The following LDB2 variants were observed in gnomAD, a reference collection of about 807,000 sequenced individuals.
LDB2 encodes LIM domain-binding protein 2.
A neutral mutation model predicts 44.3 loss-of-function variants in LDB2; 12 were observed. That is an observed-to-expected ratio of 0.27 (90% confidence interval 0.17 to 0.44). The LOEUF (loss-of-function observed/expected upper bound fraction) is 0.44. LDB2 is among the 20% of genes least tolerant of loss of function. The probability of loss-of-function intolerance (pLI) is 1.00; values close to 1 mark genes in which losing one functional copy is unlikely to be tolerated. For missense variants in LDB2, 344 were observed against 473.5 expected (o/e 0.73, Z 2.54); for synonymous variants, 164 against 174.8 (o/e 0.94, Z 0.49).
chr4:16,588,866 G>A (rs753424931), intron 3 of LDB2, 34 bp from the exon 4 acceptor site: 31 of 1,605,784 alleles, frequency 1.9e-5, no homozygotes, highest in Admixed American at 3.4e-5. Flanking sequence ...CATTCATTAC[G>A]CACTTTGTGA....
intron 1 of LDB2, among the ~76,000 whole-genome samples, chr4:16,884,794 C>T (rs982343642): frequency 1.3e-5 from 2 of 152,168 alleles, no homozygotes; most frequent in African/African-American, 4.8e-5. Context: ...AGGCATTATG[C>T]TAAGCACTTT....
chr4:16,744,915 T>C (rs959303453), intron 2 of LDB2, among the ~76,000 whole-genome samples: 6 of 152,232 alleles, frequency 3.9e-5, no homozygotes, highest in Non-Finnish European at 8.8e-5. Flanking sequence ...CAGATTATAA[T>C]AGCTATTACT....
chr4:16,553,361 T>C (rs1019387804), intron 5 of LDB2, among the ~76,000 whole-genome samples: 1 of 152,002 alleles, frequency 6.6e-6, no homozygotes, highest in Admixed American at 6.6e-5. Flanking sequence ...AGGATCTTGC[T>C]ATGTTGCCCA....
chr4:16,791,383 C>T lies in LDB2; in HGVS notation c.133-32123G>A, dbSNP rs376180017. Among the ~76,000 whole-genome samples, 85 of 151,650 alleles carry T rather than the reference C, an allele frequency of 5.6e-4. No homozygotes were observed. In the South Asian group the frequency reaches 9.2e-3, roughly 16 times the overall value. Reference sequence around the variant, plus strand: ...CAGCCTGGCCAACATGGTGAAACCCCGACTCTACTAAAAATACAAATATTA... The same window carrying T: ...CAGCCTGGCCAACATGGTGAAACCCTGACTCTACTAAAAATACAAATATTA... On this transcript the variant is annotated intron_variant, in intron 1 of 7. Transcript: ENST00000304523.
chr4:16,672,793 G>A (rs927477583), intron 2 of LDB2, among the ~76,000 whole-genome samples: 1 of 151,858 alleles, frequency 6.6e-6, no homozygotes, highest in African/African-American at 2.4e-5. Context: ...TTCTTCAAGG[G>A]AAGAGAAGAA....
At chr4:16,528,971 A>T (rs987077762) in intron 5 of LDB2, among the ~76,000 whole-genome samples, 2 of 152,182 alleles carry the variant, frequency 1.3e-5, no homozygotes, top group African/African-American at 4.8e-5. Flanking sequence ...CTTCAACCGT[A>T]CCTGGATTTT....
intron 5 of LDB2, among the ~76,000 whole-genome samples, chr4:16,547,461 C>T (rs2152340012): frequency 6.6e-6 from 1 of 152,242 alleles, no homozygotes; most frequent in South Asian, 2.1e-4. Context: ...ACCTTTAAGC[C>T]CAAAGACTCC....
chr4:16,508,794 TATTTAAAC>T (rs1560307425), intron 6 of LDB2, 108 bp from the exon 7 acceptor site: 1 of 1,051,526 alleles, frequency 9.5e-7, no homozygotes, highest in Non-Finnish European at 1.3e-6. Flanking sequence ...AAGAGTAGAC[TATTTAAAC>T]ATTTTCCATT....
intron 2 of LDB2, among the ~76,000 whole-genome samples, chr4:16,755,475 GTGT>G (rs1561113132): frequency 9.0e-4 from 14 of 15,484 alleles, no homozygotes; most frequent in African/African-American, 1.4e-3. Context: ...GGAATAGGGT[GTGT>G]GTGTGTGTGT....
chr4:16,649,508 A>C (rs534112561), intron 2 of LDB2, among the ~76,000 whole-genome samples: 1 of 152,344 alleles, frequency 6.6e-6, no homozygotes, highest in South Asian at 2.1e-4. Context: ...AGATTAAGTT[A>C]GTACACAGAG....
chr4:16,593,974 G>T (rs11735433), intron 3 of LDB2, among the ~76,000 whole-genome samples: 7,827 of 152,232 alleles, frequency 0.051, 291 homozygotes, highest in Middle Eastern at 0.071. Flanking sequence ...GCCTGAGAAA[G>T]AAATTGAGTA....
At chr4:16,564,455 T>C (rs929924887) in intron 5 of LDB2, among the ~76,000 whole-genome samples, 2 of 152,240 alleles carry the variant, frequency 1.3e-5, no homozygotes, top group African/African-American at 4.8e-5. Context: ...ATATTCTTCC[T>C]GTCCGTATTC....
At chr4:16,828,655 A>C (rs548332450) in intron 1 of LDB2, among the ~76,000 whole-genome samples, 5 of 152,288 alleles carry the variant, frequency 3.3e-5, no homozygotes, top group African/African-American at 9.6e-5. Flanking sequence ...TATAGTGATA[A>C]AGGAAAGAGC....
chr4:16,681,736 C>A (rs866609061), intron 2 of LDB2, among the ~76,000 whole-genome samples: 32 of 143,468 alleles, frequency 2.2e-4, no homozygotes, highest in South Asian at 1.1e-3. Context: ...AGGCCTGGCT[C>A]ATTTTTTTGT....
chr4:16,821,349 C>T (rs1292939519), intron 1 of LDB2, among the ~76,000 whole-genome samples: 2 of 151,724 alleles, frequency 1.3e-5, no homozygotes, highest in African/African-American at 2.4e-5. Context: ...CCTCTTAAAC[C>T]ACTAGCCGTC....
At chr4:16,569,870 G>T (rs1018134896) in intron 5 of LDB2, among the ~76,000 whole-genome samples, 1 of 152,178 alleles carries the variant, frequency 6.6e-6, no homozygotes, top group East Asian at 1.9e-4. Context: ...ATCAAATAAA[G>T]TTAATGACAC....
intron 1 of LDB2, among the ~76,000 whole-genome samples, chr4:16,761,639 G>A (rs1397880367): frequency 6.6e-6 from 1 of 152,164 alleles, no homozygotes; most frequent in Non-Finnish European, 1.5e-5. Flanking sequence ...CTATCTGGCA[G>A]CACAGATCTG....
At chr4:16,811,210 G>T (rs1779804945) in intron 1 of LDB2, among the ~76,000 whole-genome samples, 1 of 152,152 alleles carries the variant, frequency 6.6e-6, no homozygotes, top group Non-Finnish European at 1.5e-5. Flanking sequence ...TACCTTCAGG[G>T]TATCTGGGTT....
intron 5 of LDB2, among the ~76,000 whole-genome samples, chr4:16,551,961 G>T (rs13127829): frequency 0.98 from 148,560 of 152,290 alleles, 72,516 homozygotes; most frequent in Non-Finnish European, 0.99. Context: ...TTTTCCTTCC[G>T]ACTTTGTAAG....
Sources: allele counts gnomAD v4.1 joint callset (sites outside exome capture counted in the v4.1 genomes callset), GRCh38; gene constraint gnomAD v4.1.1; transcripts MANE v1.5; gene names NCBI Gene and HGNC (gene_info 2026-07-23, HGNC 2026-07-21).